The following DNER variants were observed in gnomAD, a reference collection of about 807,000 sequenced individuals.
DNER encodes the protein delta and Notch-like epidermal growth factor-related receptor.
Under a neutral mutation model 78.2 loss-of-function variants are expected in DNER, and 33 were observed. The observed-to-expected ratio is 0.42, with a 90% confidence interval of 0.32 to 0.56. DNER has a LOEUF of 0.56. Ranked by LOEUF, DNER falls within the 20% of genes least tolerant of loss-of-function variation. The pLI is 0.11. For missense variants in DNER, 918 were observed against 975.3 expected, an observed-to-expected ratio of 0.94 and a Z score of 0.78; for synonymous variants, 417 against 384.8, an observed-to-expected ratio of 1.08 and a Z score of -0.98.
intron 6 of DNER, among the ~76,000 whole-genome samples, chr2:229,488,359 G>T (rs1383825402): frequency 6.6e-6 from 1 of 152,148 alleles, no homozygotes; most frequent in African/African-American, 2.4e-5. Context: ...TGCACTCTGT[G>T]TATATTACAT....
At chr2:229,613,308 GC>G (rs1698084987) in intron 1 of DNER, among the ~76,000 whole-genome samples, 1 of 152,154 alleles carries the variant, frequency 6.6e-6, no homozygotes, top group African/African-American at 2.4e-5. Context: ...ATTGTAAAAA[GC>G]AAAATCAAGC....
At chr2:229,649,802 C>A (rs551754605) in intron 1 of DNER, among the ~76,000 whole-genome samples, 2 of 152,136 alleles carry the variant, frequency 1.3e-5, no homozygotes, top group Admixed American at 1.3e-4. Context: ...TCCCCGGGTG[C>A]GGTGGCTCAC....
At chr2:229,448,936 A>T (rs1201977229) in intron 7 of DNER, among the ~76,000 whole-genome samples, 1 of 152,204 alleles carries the variant, frequency 6.6e-6, no homozygotes, top group Non-Finnish European at 1.5e-5. Context: ...GTTGTTAAGG[A>T]CACATTTAAT....
At chr2:229,704,155 CA>C (rs1699792295) in intron 1 of DNER, among the ~76,000 whole-genome samples, 1 of 152,052 alleles carries the variant, frequency 6.6e-6, no homozygotes, top group South Asian at 2.1e-4. Context: ...AATGTGATAC[CA>C]CTGCACGCTT....
chr2:229,680,234 C>T (rs749121457), intron 1 of DNER, among the ~76,000 whole-genome samples: 13 of 152,106 alleles, frequency 8.5e-5, no homozygotes, highest in Non-Finnish European at 1.3e-4. Context: ...TAAAAGGTGA[C>T]GCAGAAGGAG....
At chr2:229,373,030 C>T (rs1351521860) in intron 11 of DNER, among the ~76,000 whole-genome samples, 1 of 152,132 alleles carries the variant, frequency 6.6e-6, no homozygotes, top group Non-Finnish European at 1.5e-5. Flanking sequence ...CAATTCTGGA[C>T]ATGGGCTTTG....
chr2:229,403,600 A>C (rs1693316190), intron 10 of DNER, among the ~76,000 whole-genome samples: 1 of 152,190 alleles, frequency 6.6e-6, no homozygotes, highest in Non-Finnish European at 1.5e-5. Flanking sequence ...TCAGGGCTGA[A>C]TAGAATAGAC....
At chr2:229,629,966 A>G (rs1390962239) in intron 1 of DNER, among the ~76,000 whole-genome samples, 1 of 152,252 alleles carries the variant, frequency 6.6e-6, no homozygotes, top group African/African-American at 2.4e-5. Context: ...GTCTCAAATT[A>G]GGAGCACACA....
chr2:229,564,423 CCAT>C (rs1163621665), intron 4 of DNER, among the ~76,000 whole-genome samples: 26 of 140,520 alleles, frequency 1.9e-4, no homozygotes, highest in African/African-American at 4.7e-4. Flanking sequence ...CACACCATCA[CCAT>C]CATCATCATC....
intron 6 of DNER, among the ~76,000 whole-genome samples, chr2:229,506,129 T>C (rs1034291807): frequency 1.3e-5 from 2 of 152,140 alleles, no homozygotes; most frequent in Admixed American, 6.5e-5. Context: ...TATGAAGAAA[T>C]ACCCAAAACT....
chr2:229,635,984 G>A (rs1179044192), intron 1 of DNER, among the ~76,000 whole-genome samples: 1 of 151,912 alleles, frequency 6.6e-6, no homozygotes, highest in African/African-American at 2.4e-5. Flanking sequence ...GTTTTACAGA[G>A]TAAGAAACTG....
At chr2:229,425,536 C>T (rs1574837782) in intron 8 of DNER, among the ~76,000 whole-genome samples, 1 of 152,154 alleles carries the variant, frequency 6.6e-6, no homozygotes, top group Non-Finnish European at 1.5e-5. Flanking sequence ...TTCCTACTCT[C>T]CCCAGTAAAA....
At chr2:229,443,579 C>T (rs6707324) in intron 8 of DNER, among the ~76,000 whole-genome samples, 65,427 of 152,148 alleles carry the variant, frequency 0.43, 15,796 homozygotes, top group Non-Finnish European at 0.55. Context: ...AAGCTACAAA[C>T]GAAGTTTGAA....
chr2:229,604,479 T>C lies in DNER; in HGVS notation c.277-12591A>G, dbSNP rs569381310. On this transcript the variant is annotated intron_variant, in intron 1 of 12. Coordinates refer to ENST00000341772, the MANE Select transcript of DNER (RefSeq NM_139072.4). ...GGTGGCCTGGGATCCTTAAGAGAAG[T>C]TGGAGAGAGAAATCTATGAGTGCCT... Among the ~76,000 whole-genome samples the C allele has an allele frequency of 1.7e-4, 26 of 152,204 alleles. No homozygotes were observed. In the South Asian group the frequency reaches 4.6e-3, roughly 27 times the overall value.
At chr2:229,672,220 C>T (rs1019311458) in intron 1 of DNER, among the ~76,000 whole-genome samples, 5 of 152,166 alleles carry the variant, frequency 3.3e-5, no homozygotes, top group African/African-American at 9.7e-5. Context: ...GACGCAGGCT[C>T]ACCTGGTGTC....
At chr2:229,499,657 G>A (rs757483161) in intron 6 of DNER, among the ~76,000 whole-genome samples, 1 of 151,302 alleles carries the variant, frequency 6.6e-6, no homozygotes, top group African/African-American at 2.4e-5. Context: ...AATTGTCTGT[G>A]CAATGATTTT....
intron 1 of DNER, among the ~76,000 whole-genome samples, chr2:229,677,614 G>T (rs1699318239): frequency 6.6e-6 from 1 of 152,184 alleles, no homozygotes; most frequent in South Asian, 2.1e-4. Context: ...CAGGGTGGAA[G>T]GGTGATTACA....
At chr2:229,508,003 A>G (rs185978573) in intron 6 of DNER, among the ~76,000 whole-genome samples, 20 of 152,354 alleles carry the variant, frequency 1.3e-4, no homozygotes, top group Admixed American at 8.5e-4. Context: ...AAAAATAAAG[A>G]ATTCTAACAA....
chr2:229,598,866 T>A (rs1697772178), intron 1 of DNER, among the ~76,000 whole-genome samples: 1 of 152,036 alleles, frequency 6.6e-6, no homozygotes, highest in Non-Finnish European at 1.5e-5. Context: ...AGGAGCTGGG[T>A]TTGCATCTCG....
Sources: allele counts gnomAD v4.1 joint callset (sites outside exome capture counted in the v4.1 genomes callset), GRCh38; gene constraint gnomAD v4.1.1; transcripts MANE v1.5; gene names NCBI Gene and HGNC (gene_info 2026-07-23, HGNC 2026-07-21).